USP9Y: variants seen among roughly 807,000 people sequenced by gnomAD.
The protein encoded by USP9Y is ubiquitin specific peptidase 9 Y-linked, also known as ubiquitin carboxyl-terminal hydrolase 9Y.
USP9Y carries 41 observed loss-of-function variants against 53.1 expected under a neutral mutation model. That is an observed-to-expected ratio of 0.77 (90% CI 0.60 to 1.00). USP9Y has a LOEUF of 1.00. Among genes scored for constraint, USP9Y ranks in the 50% least tolerant of loss-of-function variants. The pLI is 0.00. For synonymous variants in USP9Y, 220 were observed against 173.7 expected (o/e 1.27, Z -2.09); for missense variants, 567 against 535.8 (o/e 1.06, Z -0.58).
rs1182398608 is a variant in USP9Y at position 12,736,247 on chromosome Y, C to T, written c.1023C>T (p.Leu341=). 2.6e-6 allele frequency: 1 copy of T among 380,568 alleles called. No individual in the cohort carries two copies. Among genetic ancestry groups the T allele is most frequent in the Admixed American group, 7.9e-5 (1 of 12,698 alleles). The allele number at this position is 380,568 out of a possible 400,897, so 94.9% of individuals were successfully genotyped here. ...NLEIFRLKMI[L]RLLQISSFNG... is the part of the protein sequence containing the mutation. ...AAATTTTTAGGTTAAAGATGATACT[C>T]AGGTAAGATATTTTCCACCTTAAAT... Residue 341 remains leucine (L), a splice_region_variant and synonymous_variant, in exon 9 of 46, where the codon CTC becomes CTT. Coordinates refer to ENST00000338981, the MANE Select transcript of USP9Y (RefSeq NM_004654.4).
At chrY:12,703,105 G>A in intron 1 of USP9Y, among the ~76,000 whole-genome samples, 1 of 32,271 alleles carries the variant, frequency 3.1e-5, no homozygotes, top group African/African-American at 1.2e-4. Context: ...TGTCACCCAG[G>A]CTGGAGTGCA....
chrY:12,839,557 T>C, intron 35 of USP9Y, among the ~76,000 whole-genome samples: 1 of 32,653 alleles, frequency 3.1e-5, no homozygotes, highest in Admixed American at 2.9e-4. Flanking sequence ...CTGTAGATGA[T>C]ATGTAAATAC....
Position 12,837,993 on chromosome Y carries a change from A to G in USP9Y, c.5278A>G (p.Ile1760Val). The change falls in exon 35 of 46, where the codon ATC (isoleucine) becomes GTC (valine). Residue 1760 changes from isoleucine (I) to valine (V), a missense_variant. By Grantham distance (29) the Ile-to-Val change is conservative. Transcript: ENST00000338981. ...QNLLDSLEQY[I>V]KGDLLEGANA... ...TCTTCTTGACTCTTTGGAACAGTAT[A>G]TCAAAGGAGATTTATTGGAAGGTGC... The G allele has an allele frequency of 2.7e-6, 1 of 374,838 alleles. No individual in the cohort carries two copies. Among genetic ancestry groups the G allele is most frequent in the Non-Finnish European group, 3.8e-6 (1 of 262,370 alleles). The allele number at this position is 374,838 out of a possible 400,897, so 93.5% of individuals were successfully genotyped here.
At chrY:12,772,525 G>A in intron 16 of USP9Y, among the ~76,000 whole-genome samples, 1 of 31,421 alleles carries the variant, frequency 3.2e-5, no homozygotes, top group South Asian at 7.5e-4. Flanking sequence ...AGCACTTTGG[G>A]AGGCCGAGGT....
At chrY:12,704,761 T>G (rs1603195110) in intron 1 of USP9Y, among the ~76,000 whole-genome samples, 1 of 33,808 alleles carries the variant, frequency 3.0e-5, no homozygotes, top group East Asian at 7.7e-4. Flanking sequence ...TTTTTGTAGC[T>G]TATCTAATTT....
intron 17 of USP9Y, among the ~76,000 whole-genome samples, chrY:12,774,326 C>T: frequency 3.2e-5 from 1 of 31,660 alleles, no homozygotes; most frequent in Admixed American, 2.9e-4. Context: ...ATTATCCGGG[C>T]GTGGTGGTAG....
At chrY:12,835,485 T>A (rs1178780279) in intron 34 of USP9Y, among the ~76,000 whole-genome samples, 3 of 33,867 alleles carry the variant, frequency 8.9e-5, no homozygotes, top group Non-Finnish European at 2.2e-4. Context: ...TTTGTGACTG[T>A]CTTGTTTTTC....
At position 12,816,305 on chromosome Y, in the gene USP9Y, A is replaced by T. The variant is rs769203606; in HGVS notation, c.4791A>T (p.Leu1597Phe). 1 of 397,172 alleles carries T rather than the reference A, an allele frequency of 2.5e-6. No homozygotes were observed. Among genetic ancestry groups the T allele is most frequent in the East Asian group, 9.3e-5 (1 of 10,780 alleles). ...ILAIEGTGSD[L>F]HDDMFGDEKQ... ...CAATTGAAGGCACAGGTAGTGATTT[A>T]CACGATGATATGTTCGGGGATGAGA... The change falls in exon 32 of 46, where the codon TTA (leucine) becomes TTT (phenylalanine). Residue 1597 changes from leucine (L) to phenylalanine (F), a missense_variant. Leu to Phe is a conservative substitution (Grantham distance 22). Transcript: ENST00000338981.
At chrY:12,729,783 T>C in intron 7 of USP9Y, among the ~76,000 whole-genome samples, 1 of 33,266 alleles carries the variant, frequency 3.0e-5, no homozygotes. Flanking sequence ...AGATAGTTTG[T>C]ATGAGCTCAG....
chrY:12,743,959 C>G, intron 12 of USP9Y, among the ~76,000 whole-genome samples: 1 of 32,097 alleles, frequency 3.1e-5, no homozygotes, highest in Non-Finnish European at 7.6e-5. Context: ...GCTTATTTCT[C>G]TAGGTGAGAT....
chrY:12,814,730 A>T, intron 31 of USP9Y, among the ~76,000 whole-genome samples: 1 of 32,813 alleles, frequency 3.0e-5, no homozygotes, highest in African/African-American at 1.2e-4. Flanking sequence ...ACAAATGAGA[A>T]TGTACAAAAT....
chrY:12,734,665 G>A (rs919276320), intron 7 of USP9Y, among the ~76,000 whole-genome samples: 1 of 33,624 alleles, frequency 3.0e-5, no homozygotes, highest in African/African-American at 1.2e-4. Context: ...CGTATCAAAC[G>A]TAGGATTAGA....
At chrY:12,754,233 A>G (rs749584777) in intron 12 of USP9Y, among the ~76,000 whole-genome samples, 1 of 26,889 alleles carries the variant, frequency 3.7e-5, no homozygotes, top group African/African-American at 1.5e-4. Flanking sequence ...GTGTGTGTGT[A>G]TGTATTCCTT....
At chrY:12,792,522 G>C (rs938042421) in intron 26 of USP9Y, among the ~76,000 whole-genome samples, 21 of 34,277 alleles carry the variant, frequency 6.1e-4, no homozygotes, top group Non-Finnish European at 9.5e-4. Flanking sequence ...ATGAGAAAGT[G>C]TGTCATGGCA....
intron 34 of USP9Y, 24 bp downstream of exon 34, chrY:12,833,885 T>C: frequency 2.6e-6 from 1 of 386,618 alleles, no homozygotes; most frequent in Non-Finnish European, 3.6e-6. Context: ...ATGTTTTTAA[T>C]GTATACTTCG....
intron 12 of USP9Y, among the ~76,000 whole-genome samples, chrY:12,743,115 T>C (rs989154032): frequency 4.5e-4 from 15 of 33,199 alleles, no homozygotes; most frequent in Admixed American, 1.1e-3. Flanking sequence ...TGTATGTATC[T>C]ATCAGGTTGA....
intron 22 of USP9Y, among the ~76,000 whole-genome samples, 156 bp downstream of exon 22, chrY:12,779,802 T>C: frequency 3.0e-5 from 1 of 33,897 alleles, no homozygotes; most frequent in African/African-American, 1.1e-4. Context: ...GTGTTGCTGA[T>C]GAAAATATTT....
chrY:12,855,831 C>T (rs2053575466), intron 42 of USP9Y, among the ~76,000 whole-genome samples: 1 of 31,698 alleles, frequency 3.2e-5, no homozygotes. Context: ...TTCTGTAATC[C>T]CAACTACTTG....
At chrY:12,829,144 A>T in intron 33 of USP9Y, among the ~76,000 whole-genome samples, 1 of 33,721 alleles carries the variant, frequency 3.0e-5, no homozygotes, top group Non-Finnish European at 7.4e-5. Context: ...AATTATTAGC[A>T]TGAAAGGAAA....
Sources: gnomAD v4.1 joint callset for allele counts (sites outside exome capture counted in the v4.1 genomes callset) on GRCh38, gnomAD v4.1.1 for gene constraint, MANE v1.5 for transcripts, NCBI Gene and HGNC (gene_info 2026-07-23, HGNC 2026-07-21) for gene names.